The following TSPAN1 variants were observed in gnomAD, a reference collection of about 807,000 sequenced individuals.
TSPAN1 encodes tetraspanin-1.
In TSPAN1, 23 loss-of-function variants were observed where a neutral mutation model predicts 26.9. The observed-to-expected ratio is 0.85, with a 90% confidence interval of 0.62 to 1.21. The LOEUF is 1.21. TSPAN1 is among the 50% of genes most tolerant of loss of function. TSPAN1 has a pLI of 0.00. For synonymous variants in TSPAN1, 115 were observed against 114.8 expected (o/e 1.00, Z -0.01); for missense variants, 283 against 298.4 (o/e 0.95, Z 0.38).
rs768244149 is a variant in TSPAN1 at position 46,184,669 on chromosome 1, G to A, written c.339+1G>A. On this transcript the variant is annotated splice_donor_variant, in intron 5 of 8. Coordinates refer to ENST00000372003, the MANE Select transcript of TSPAN1 (RefSeq NM_005727.4). LOFTEE classifies it high-confidence loss of function. ...GGTCGCCTTGGTGTACACCACAATG[G>A]TGAGACACTGGGATGGAGGAAGGGA... 6.2e-7 allele frequency: 1 copy of A among 1,614,204 alleles called. No homozygotes were observed. Among genetic ancestry groups the A allele is most frequent in the Admixed American group, 1.7e-5 (1 of 60,034 alleles).
At chr1:46,189,572 T>A (rs757014219), downstream of TSPAN1, 67 of 1,608,594 alleles carry the variant, frequency 4.2e-5, no homozygotes, top group Non-Finnish European at 5.5e-5. Flanking sequence ...GAGGCACTAG[T>A]GAGGGTGGGA....
At chr1:46,192,709 C>T in the TSPAN1 span, 61 of 1,596,998 alleles carry the variant, frequency 3.8e-5, no homozygotes, top group Admixed American at 5.1e-5. Context: ...TACCTCCTTC[C>T]CCCAAATCCC....
At chr1:46,196,186 G>A in the TSPAN1 span, 4 of 1,574,068 alleles carry the variant, frequency 2.5e-6, no homozygotes, top group Non-Finnish European at 3.4e-6. The surrounding 1 kb of genome is among the most constrained non-coding windows in gnomAD (Gnocchi z 4.4). Context: ...TCCTGCCTAT[G>A]TTTCTGTTCA....
In TSPAN1 at chr1:46,184,397, G is replaced by A. The variant is rs752292056; in HGVS notation, c.264G>A (p.Thr88=). 54 of 1,614,026 alleles carry A rather than the reference G, an allele frequency of 3.3e-5. No individual in the cohort carries two copies. Among genetic ancestry groups the A allele is most frequent in the Admixed American group, 2.0e-4 (12 of 59,992 alleles). ...CTGAGAGCAAGTGTGCCCTCGTGAC[G>A]GTGTGTGAAACCCAGCTCCACAGGC... is the stretch of plus-strand genomic sequence containing the variant. ...AKTESKCALV[T]FFFILLLIFI... The change falls in exon 4 of 9, where the codon ACG becomes ACA. Residue 88 remains threonine (T), a splice_region_variant and synonymous_variant. Coordinates refer to ENST00000372003, the MANE Select transcript of TSPAN1 (RefSeq NM_005727.4).
At chr1:46,187,506 G>A (rs1657460028), downstream of TSPAN1, among the ~76,000 whole-genome samples, 1 of 152,168 alleles carries the variant, frequency 6.6e-6, no homozygotes, top group Non-Finnish European at 1.5e-5. Context: ...GCTGAGCCCA[G>A]AAAGGAAGAG....
chr1:46,190,319 C>T (rs374651143), downstream of TSPAN1: 171 of 1,006,024 alleles, frequency 1.7e-4, no homozygotes, highest in South Asian at 2.1e-3. Context: ...GCTGGGATTA[C>T]AGGCGTGAGC....
At chr1:46,195,854 A>C in the TSPAN1 span, 1 of 1,612,116 alleles carries the variant, frequency 6.2e-7, no homozygotes, top group Non-Finnish European at 8.5e-7. Context: ...TACCATGTTG[A>C]GGAATAGCAC....
At chr1:46,178,841 C>T (rs758049592) in intron 1 of TSPAN1, among the ~76,000 whole-genome samples, 59 of 152,104 alleles carry the variant, frequency 3.9e-4, no homozygotes, top group Non-Finnish European at 5.9e-4. Flanking sequence ...GCTTCTATTT[C>T]CCCATATTTA....
chr1:46,189,973 C>T (rs74374973), downstream of TSPAN1: 18,700 of 1,614,096 alleles, frequency 0.012, 120 homozygotes, highest in Non-Finnish European at 0.013. Flanking sequence ...TTGCTGTGGT[C>T]CAGAACCTCA....
At chr1:46,192,777 C>T in the TSPAN1 span, 3 of 1,584,232 alleles carry the variant, frequency 1.9e-6, no homozygotes, top group Non-Finnish European at 2.6e-6. Context: ...TGCCATCCTA[C>T]CTTTGCCCAG....
downstream of TSPAN1, chr1:46,189,738 G>C: frequency 1.3e-6 from 2 of 1,560,358 alleles, no homozygotes; most frequent in Non-Finnish European, 1.7e-6. Flanking sequence ...GGTGTTCTAA[G>C]AGTATAAAGA....
chr1:46,193,441 C>T, the TSPAN1 span: 3 of 1,605,152 alleles, frequency 1.9e-6, no homozygotes, highest in Non-Finnish European at 2.6e-6. Context: ...CTCTGCCCAC[C>T]TCTGCAATCC....
At chr1:46,189,049 C>T (rs181362801), downstream of TSPAN1, 3,839 of 1,539,064 alleles carry the variant, frequency 2.5e-3, 28 homozygotes, top group Non-Finnish European at 2.1e-3. Flanking sequence ...AGGTACTCTC[C>T]TGCCCTTCTC....
Position 46,185,516 on chromosome 1 carries a change from T to C in TSPAN1, c.709T>C (p.Tyr237His), listed in dbSNP as rs1435594060. 1.2e-6 allele frequency: 2 copies of C among 1,614,120 alleles called. No individual in the cohort carries two copies. Among genetic ancestry groups the C allele is most frequent in the African/African-American group, 1.3e-5 (1 of 74,944 alleles). The change falls in exon 9 of 9, where the codon TAC becomes CAC. Residue 237 changes from tyrosine (Y) to histidine (H), a missense_variant. By Grantham distance (83) the Tyr-to-His change is moderately conservative. Transcript: ENST00000372003. ...LAAMIVSMYL[Y>H]CNLQ ...TGCCATGATTGTGTCCATGTATCTGTACTGCAATCTACAATAAGTCCACTT... is the reference window on the plus strand; with the variant it reads ...TGCCATGATTGTGTCCATGTATCTGCACTGCAATCTACAATAAGTCCACTT...
chr1:46,189,758 G>C, downstream of TSPAN1: 2 of 1,583,168 alleles, frequency 1.3e-6, 1 homozygote, highest in South Asian at 2.3e-5. Context: ...AGGAGGTTCT[G>C]AGGTTGAAGA....
At chr1:46,192,175 G>A in the TSPAN1 span, 2 of 1,614,142 alleles carry the variant, frequency 1.2e-6, no homozygotes, top group Non-Finnish European at 1.7e-6. Context: ...ATGCACTCTC[G>A]GCCCCGGCGT....
chr1:46,195,747 G>T, the TSPAN1 span: 3 of 1,427,862 alleles, frequency 2.1e-6, no homozygotes, highest in Non-Finnish European at 2.9e-6. Flanking sequence ...GGGCAGAGAA[G>T]CCGGGGCTAG....
rs568735825 is a variant in TSPAN1 at position 46,180,816 on chromosome 1, C to A, written c.-9+158C>A. ...GGTGCTAGGAAAGAGCATGGAGTGA[C>A]CTGCAGTGTGGGAGTCAGGCTGGGT... is the stretch of plus-strand genomic sequence containing the variant. On this transcript the variant is annotated intron_variant, in intron 2 of 8. Transcript: ENST00000372003. 1.1e-4 allele frequency among the ~76,000 whole-genome samples: 16 copies of A among 152,018 alleles called. No homozygotes were observed. In the East Asian group the frequency reaches 3.1e-3, roughly 29 times the overall value.
chr1:46,192,318 G>C, the TSPAN1 span: 1 of 1,614,192 alleles, frequency 6.2e-7, no homozygotes, highest in Non-Finnish European at 8.5e-7. Flanking sequence ...CTTTTCCGGT[G>C]TAGGCCACTT....
Sources: gnomAD v4.1 joint callset for allele counts (sites outside exome capture counted in the v4.1 genomes callset) on GRCh38, gnomAD v4.1.1 for gene constraint, Gnocchi (gnomAD v3.1) non-coding constraint, MANE v1.5 for transcripts, NCBI Gene and HGNC (gene_info 2026-07-23, HGNC 2026-07-21) for gene names.